Variants in APBA1 observed in about 807,000 individuals in gnomAD.
APBA1 encodes the protein amyloid beta precursor protein binding family A member 1, also known as amyloid-beta A4 precursor protein-binding family A member 1.
A neutral mutation model predicts 86.6 loss-of-function variants in APBA1; 55 were observed. The ratio of observed to expected loss-of-function variants is 0.64; its 90% CI spans 0.51 to 0.80. The LOEUF (loss-of-function observed/expected upper bound fraction) is 0.80. APBA1 is among the 30% of genes least tolerant of loss of function. The pLI, the probability that APBA1 is intolerant of heterozygous loss-of-function variation, is 0.00. For missense variants in APBA1, 1,090 were observed against 1,183.0 expected, an observed-to-expected ratio of 0.92 and a Z score of 1.15; for synonymous variants, 511 against 493.9, an observed-to-expected ratio of 1.03 and a Z score of -0.46.
At chr9:69,456,219 A>G (rs374314289) in intron 8 of APBA1, 28 bp downstream of exon 8, 1 of 1,613,648 alleles carries the variant, frequency 6.2e-7, no homozygotes, top group Non-Finnish European at 8.5e-7. Context: ...ACCTAACCCA[A>G]AAGGAGATCA....
At chr9:69,541,889 T>C (rs1447674766) in intron 1 of APBA1, among the ~76,000 whole-genome samples, 1 of 152,140 alleles carries the variant, frequency 6.6e-6, no homozygotes, top group African/African-American at 2.4e-5. Flanking sequence ...ATAATAAGCA[T>C]GTTATTTTTA....
In APBA1 at chr9:69,476,063, C is replaced by T. The variant is rs138175870; in HGVS notation, c.1281G>A (p.Ala427=). ...TSLHPSDPVE[A]STNKESRKSL... is the part of the protein sequence containing the mutation. Reference sequence around the variant, plus strand: ...AGCACCCTACCTCTTTATTAGTGGACGCTTCCACAGGGTCACTGGGGTGAA... The same window carrying T: ...AGCACCCTACCTCTTTATTAGTGGATGCTTCCACAGGGTCACTGGGGTGAA... The change falls in exon 3 of 13, where the codon GCG becomes GCA. Residue 427 remains alanine (A), a synonymous_variant. Transcript: ENST00000265381. 64 of 1,613,936 alleles carry T rather than the reference C, an allele frequency of 4.0e-5. No homozygotes were observed. The highest frequency in any genetic ancestry group is 7.7e-5 in the South Asian group (7 of 91,056).
intron 1 of APBA1, among the ~76,000 whole-genome samples, chr9:69,555,135 A>T (rs1836843044): frequency 6.6e-6 from 1 of 152,230 alleles, no homozygotes; most frequent in African/African-American, 2.4e-5. Flanking sequence ...GGTTTCTTCC[A>T]AAGAGTAGTA....
At chr9:69,557,994 GA>G (rs1193813109) in intron 1 of APBA1, among the ~76,000 whole-genome samples, 1 of 152,058 alleles carries the variant, frequency 6.6e-6, no homozygotes, top group Non-Finnish European at 1.5e-5. Context: ...TTCATTTTCT[GA>G]GGCATACATG....
intron 8 of APBA1, among the ~76,000 whole-genome samples, chr9:69,454,633 G>T (rs989776502): frequency 1.3e-5 from 2 of 152,138 alleles, no homozygotes; most frequent in Non-Finnish European, 2.9e-5. Context: ...AAGATTCTCA[G>T]GTCCACTCTT....
intron 1 of APBA1, among the ~76,000 whole-genome samples, chr9:69,563,445 G>A (rs1006269900): frequency 6.6e-6 from 1 of 152,020 alleles, no homozygotes; most frequent in East Asian, 1.9e-4. Flanking sequence ...CCAATTTAAG[G>A]TTTACTTTCT....
intron 2 of APBA1, among the ~76,000 whole-genome samples, chr9:69,503,401 T>C (rs1245423221): frequency 6.6e-6 from 1 of 152,122 alleles, no homozygotes. Flanking sequence ...ATAGCATGTT[T>C]ATACTGCCTC....
chr9:69,660,638 T>A (rs1322982996), intron 1 of APBA1, among the ~76,000 whole-genome samples: 1 of 152,202 alleles, frequency 6.6e-6, no homozygotes, highest in African/African-American at 2.4e-5. Flanking sequence ...CTTAACTCAA[T>A]CATTCCCAAA....
intron 1 of APBA1, among the ~76,000 whole-genome samples, chr9:69,542,206 C>T (rs968752294): frequency 2.6e-5 from 4 of 152,156 alleles, no homozygotes; most frequent in African/African-American, 9.7e-5. Context: ...CCTCCCCCAC[C>T]ATTAACATCT....
At chr9:69,512,371 C>T (rs1836064212) in intron 2 of APBA1, among the ~76,000 whole-genome samples, 1 of 152,118 alleles carries the variant, frequency 6.6e-6, no homozygotes, top group Admixed American at 6.5e-5. Context: ...AAGAAAAAAG[C>T]ACTTAAGTTC....
intron 5 of APBA1, among the ~76,000 whole-genome samples, chr9:69,466,053 A>G (rs1835273438): frequency 6.6e-6 from 1 of 152,202 alleles, no homozygotes; most frequent in Non-Finnish European, 1.5e-5. Flanking sequence ...AAAACATCGT[A>G]GTCATGTCAA....
Position 69,452,317 on chromosome 9 carries a change from G to C in APBA1, c.1789-16C>G. ...TCAGCTGAGCCTGGAACAGCAGCCA[G>C]AGAGGAAAGATGGTCAGCAGGGCAG... On this transcript the variant is annotated splice_polypyrimidine_tract_variant and intron_variant, in intron 8 of 12. Coordinates refer to ENST00000265381, the MANE Select transcript of APBA1 (RefSeq NM_001163.4). The C allele has an allele frequency of 6.2e-7, 1 of 1,613,310 alleles. No individual in the cohort carries two copies.
intron 1 of APBA1, among the ~76,000 whole-genome samples, chr9:69,579,226 G>T (rs964971370): frequency 1.3e-5 from 2 of 152,034 alleles, no homozygotes; most frequent in Non-Finnish European, 2.9e-5. Flanking sequence ...GCCCCACTGT[G>T]GTCACAATGT....
chr9:69,578,209 C>A (rs1280574082), intron 1 of APBA1, among the ~76,000 whole-genome samples: 1 of 152,234 alleles, frequency 6.6e-6, no homozygotes, highest in African/African-American at 2.4e-5. Context: ...AGACTCCAGG[C>A]CTTTTCTGTG....
At chr9:69,527,843 A>T (rs1207019336) in intron 1 of APBA1, among the ~76,000 whole-genome samples, 8 of 152,140 alleles carry the variant, frequency 5.3e-5, no homozygotes, top group Admixed American at 5.2e-4. Flanking sequence ...AATCACTTTC[A>T]ATATTCTATA....
intron 12 of APBA1, 29 bp from the exon 13 acceptor site, chr9:69,431,427 G>C: frequency 6.2e-7 from 1 of 1,604,062 alleles, no homozygotes; most frequent in South Asian, 1.1e-5. Flanking sequence ...CTTTAGTGGG[G>C]GGCTGAGGCT....
chr9:69,647,007 T>C (rs905030404), intron 1 of APBA1, among the ~76,000 whole-genome samples: 17 of 152,214 alleles, frequency 1.1e-4, no homozygotes, highest in African/African-American at 3.9e-4. Context: ...AGCCCCAGTA[T>C]GCTGCCAATA....
At chr9:69,620,365 C>T (rs1221547565) in intron 1 of APBA1, among the ~76,000 whole-genome samples, 3 of 152,164 alleles carry the variant, frequency 2.0e-5, no homozygotes, top group Non-Finnish European at 4.4e-5. Flanking sequence ...TTGAGCTTAT[C>T]CCTAGAGACT....
intron 11 of APBA1, among the ~76,000 whole-genome samples, chr9:69,440,195 T>TG (rs1834789909): frequency 1.3e-5 from 2 of 152,180 alleles, no homozygotes; most frequent in South Asian, 2.1e-4. Flanking sequence ...CTGCTCCTAC[T>TG]GGGGGGTGCC....
Sources: allele counts gnomAD v4.1 joint callset (sites outside exome capture counted in the v4.1 genomes callset), GRCh38; gene constraint gnomAD v4.1.1; transcripts MANE v1.5; gene names NCBI Gene and HGNC (gene_info 2026-07-23, HGNC 2026-07-21).